The following SNTG1 variants were observed in gnomAD, a reference collection of about 807,000 sequenced individuals.
SNTG1 encodes the protein syntrophin gamma 1.
A neutral mutation model predicts 74.7 loss-of-function variants in SNTG1; 39 were observed. That is an observed-to-expected ratio of 0.52 (90% CI 0.40 to 0.68). The LOEUF (loss-of-function observed/expected upper bound fraction) is 0.68. Ranked by LOEUF, SNTG1 falls within the 30% of genes least tolerant of loss-of-function variation. SNTG1 has a pLI of 0.00. For missense variants in SNTG1, 685 were observed against 609.5 expected (o/e 1.12, Z -1.30); for synonymous variants, 254 against 217.1 (o/e 1.17, Z -1.49).
At chr8:50,657,121 T>A (rs993142181) in intron 14 of SNTG1, 96 bp downstream of exon 14, 4 of 556,808 alleles carry the variant, frequency 7.2e-6, no homozygotes, top group Non-Finnish European at 1.2e-5. Flanking sequence ...TCAATATTTT[T>A]AAAAAATAAT....
intron 9 of SNTG1, among the ~76,000 whole-genome samples, chr8:50,511,511 G>C: frequency 6.6e-6 from 1 of 152,272 alleles, no homozygotes; most frequent in African/African-American, 2.4e-5. Flanking sequence ...TGTTGACAGC[G>C]TAGTGTTAAA....
chr8:50,291,240 A>G (rs998771699), intron 2 of SNTG1, among the ~76,000 whole-genome samples: 2 of 81,078 alleles, frequency 2.5e-5, no homozygotes, highest in African/African-American at 3.9e-5. Context: ...AGAGACAGAC[A>G]TATGTGTGTG....
intron 1 of SNTG1, among the ~76,000 whole-genome samples, chr8:50,071,902 G>A (rs1821402243): frequency 6.6e-6 from 1 of 151,182 alleles, no homozygotes; most frequent in African/African-American, 2.4e-5. Context: ...TAAGCATCAG[G>A]AATAAAATAT....
At chr8:49,924,294 A>T (rs1320185311) in intron 1 of SNTG1, among the ~76,000 whole-genome samples, 5 of 152,152 alleles carry the variant, frequency 3.3e-5, no homozygotes, top group African/African-American at 9.7e-5. Flanking sequence ...GAGGAAAAAA[A>T]GTTTGTTAGA....
At chr8:50,692,167 CT>C (rs896190801) in intron 15 of SNTG1, among the ~76,000 whole-genome samples, 9 of 152,116 alleles carry the variant, frequency 5.9e-5, no homozygotes, top group Non-Finnish European at 1.3e-4. Context: ...TTTTTCAAAG[CT>C]TTTAACTTCT....
chr8:50,068,860 C>T (rs917608472), intron 1 of SNTG1, among the ~76,000 whole-genome samples: 3 of 152,170 alleles, frequency 2.0e-5, no homozygotes, highest in African/African-American at 4.8e-5. Context: ...TGTCAGTCAG[C>T]TCCCTGTGCG....
intron 1 of SNTG1, among the ~76,000 whole-genome samples, chr8:50,064,493 T>C (rs1218137441): frequency 1.3e-5 from 2 of 152,190 alleles, no homozygotes; most frequent in Admixed American, 1.3e-4. Context: ...ACCTTTGCAC[T>C]TCCACCACAC....
In SNTG1 at chr8:50,304,990, C is replaced by A. The variant is rs1158626281; in HGVS notation, c.-27-89222C>A. Among the ~76,000 whole-genome samples the A allele has an allele frequency of 2.6e-5, 4 of 152,064 alleles. No homozygotes were observed. In the East Asian group the frequency reaches 7.7e-4, roughly 29 times the overall value. On this transcript the variant is annotated intron_variant, in intron 2 of 18. Coordinates refer to ENST00000642720, the MANE Select transcript of SNTG1 (RefSeq NM_018967.5). ...TGATCTCGGCTCACTGCAACCTCCA[C>A]CTCCCAGGTTCAAGCGATTCTCCTA...
At chr8:50,259,665 G>T (rs1398274691) in intron 2 of SNTG1, among the ~76,000 whole-genome samples, 1 of 152,006 alleles carries the variant, frequency 6.6e-6, no homozygotes, top group Admixed American at 6.6e-5. Flanking sequence ...AAGATGTATG[G>T]TTTTCCATAT....
At chr8:50,539,987 C>G (rs1260050765) in intron 11 of SNTG1, among the ~76,000 whole-genome samples, 1 of 152,090 alleles carries the variant, frequency 6.6e-6, no homozygotes, top group Non-Finnish European at 1.5e-5. Context: ...TTCAGAGGGT[C>G]GTGTCTAGGA....
intron 1 of SNTG1, among the ~76,000 whole-genome samples, chr8:50,011,200 C>T (rs539355119): frequency 4.5e-4 from 69 of 152,094 alleles, no homozygotes; most frequent in Non-Finnish European, 9.1e-4. Context: ...ACATGACAAA[C>T]ATTATTCTGA....
At chr8:50,282,159 CTGGCCAGAGAAA>C (rs2088497731) in intron 2 of SNTG1, among the ~76,000 whole-genome samples, 1 of 152,170 alleles carries the variant, frequency 6.6e-6, no homozygotes, top group Non-Finnish European at 1.5e-5. Flanking sequence ...CAGCTCCCCT[CTGGCCAGAGAAA>C]TGTCAGCCCC....
intron 9 of SNTG1, among the ~76,000 whole-genome samples, chr8:50,522,316 T>A (rs1219980200): frequency 6.6e-6 from 1 of 152,068 alleles, no homozygotes; most frequent in African/African-American, 2.4e-5. Flanking sequence ...TCAGGGTGTG[T>A]GTGTGTGTTT....
intron 2 of SNTG1, among the ~76,000 whole-genome samples, chr8:50,336,590 T>A (rs1348998370): frequency 6.6e-6 from 1 of 152,232 alleles, no homozygotes; most frequent in Non-Finnish European, 1.5e-5. Flanking sequence ...TTTCAAAATG[T>A]AGTTTTCTTA....
chr8:50,796,196 G>T lies in SNTG1; in HGVS notation c.*3367G>T, dbSNP rs1265107243. Reference sequence around the variant, plus strand: ...ATCCTAACGATAATTTAGAATTACTGCTAGAAATCAGCAGTGTGGAGAAGC... The same window carrying T: ...ATCCTAACGATAATTTAGAATTACTTCTAGAAATCAGCAGTGTGGAGAAGC... On this transcript the variant is annotated 3_prime_UTR_variant, in exon 19 of 19. Transcript: ENST00000642720. 1.3e-5 allele frequency: 2 copies of T among 152,006 alleles called. No homozygotes were observed. The highest frequency in any genetic ancestry group is 2.9e-5 in the Non-Finnish European group (2 of 67,952). The allele number at this position is 152,006 out of a possible 1,614,324, so 9.4% of individuals were successfully genotyped here.
chr8:50,168,608 C>A (rs2082704182), intron 1 of SNTG1, among the ~76,000 whole-genome samples: 1 of 151,950 alleles, frequency 6.6e-6, no homozygotes. Context: ...CATATTAATA[C>A]CAAAAGAATC....
chr8:49,940,435 G>C (rs1366096217), intron 1 of SNTG1, among the ~76,000 whole-genome samples: 1 of 152,082 alleles, frequency 6.6e-6, no homozygotes, highest in Non-Finnish European at 1.5e-5. Context: ...CACAGTGGCA[G>C]GTGTATCTTT....
chr8:50,782,517 T>G (rs572193787), intron 18 of SNTG1, among the ~76,000 whole-genome samples: 1 of 152,358 alleles, frequency 6.6e-6, no homozygotes, highest in South Asian at 2.1e-4. Context: ...GGCTTCTGCA[T>G]TCTTCACATA....
intron 15 of SNTG1, among the ~76,000 whole-genome samples, chr8:50,684,740 C>CTTTT (rs71235319): frequency 7.4e-6 from 1 of 135,130 alleles, no homozygotes; most frequent in Non-Finnish European, 1.6e-5. Context: ...TTTTTTTTTT[C>CTTTT]TTTTTTTTTA....
Sources: allele counts gnomAD v4.1 joint callset (sites outside exome capture counted in the v4.1 genomes callset), GRCh38; gene constraint gnomAD v4.1.1; transcripts MANE v1.5; gene names NCBI Gene and HGNC (gene_info 2026-07-23, HGNC 2026-07-21).